Variants in SHISA9 observed in about 807,000 individuals in gnomAD.
The protein encoded by SHISA9 is protein shisa-9.
Under a neutral mutation model 38.0 loss-of-function variants are expected in SHISA9, and 13 were observed. The observed-to-expected ratio is 0.34, with a 90% CI of 0.22 to 0.54. The LOEUF is 0.54. Among genes scored for constraint, SHISA9 ranks in the 20% least tolerant of loss-of-function variants. SHISA9 has a pLI of 0.91. For missense variants in SHISA9, 538 were observed against 575.8 expected, an observed-to-expected ratio of 0.93 and a Z score of 0.67; for synonymous variants, 275 against 242.0, an observed-to-expected ratio of 1.14 and a Z score of -1.27.
intron 2 of SHISA9, among the ~76,000 whole-genome samples, chr16:13,177,829 C>G (rs1387552206): frequency 2.0e-5 from 3 of 152,126 alleles, no homozygotes; most frequent in South Asian, 2.1e-4. Context: ...GCCACCATAC[C>G]TGGCTAATTT....
At chr16:13,098,369 CTTCTT>C (rs2073847309) in intron 2 of SHISA9, among the ~76,000 whole-genome samples, 1 of 152,184 alleles carries the variant, frequency 6.6e-6, no homozygotes, top group South Asian at 2.1e-4. Flanking sequence ...AATGGCTCCT[CTTCTT>C]TTCTTTAATT....
At chr16:13,135,613 A>G (rs1123220) in intron 2 of SHISA9, among the ~76,000 whole-genome samples, 63,594 of 152,088 alleles carry the variant, frequency 0.42, 15,374 homozygotes, top group Non-Finnish European at 0.52. Flanking sequence ...CCTTCCTGTC[A>G]CAGGTGTTGA....
the SHISA9 span, among the ~76,000 whole-genome samples, chr16:13,341,441 G>C: frequency 6.6e-6 from 1 of 152,000 alleles, no homozygotes; most frequent in African/African-American, 2.4e-5. Flanking sequence ...AGGAGATGGA[G>C]ATTGAAAAAA....
At chr16:13,497,109 G>T in the SHISA9 span, among the ~76,000 whole-genome samples, 1 of 152,094 alleles carries the variant, frequency 6.6e-6, no homozygotes. Flanking sequence ...TGTCCTGCCA[G>T]ATATTACAAT....
chr16:12,919,495 T>C (rs1280560404), intron 2 of SHISA9, among the ~76,000 whole-genome samples: 1 of 152,230 alleles, frequency 6.6e-6, no homozygotes, highest in African/African-American at 2.4e-5. Context: ...TTTAAGAGAA[T>C]ACTAATCTCC....
At chr16:12,987,276 C>A (rs532108173) in intron 2 of SHISA9, among the ~76,000 whole-genome samples, 1 of 152,180 alleles carries the variant, frequency 6.6e-6, no homozygotes, top group Non-Finnish European at 1.5e-5. Context: ...GGAGTAACTT[C>A]AAAAAAGCAA....
At chr16:13,333,944 C>G in the SHISA9 span, among the ~76,000 whole-genome samples, 2,301 of 152,288 alleles carry the variant, frequency 0.015, 65 homozygotes, top group African/African-American at 0.052. Context: ...CAGACTGTCT[C>G]TGTTGTAACT....
At chr16:13,233,695 G>A (rs2051353896) in intron 4 of SHISA9, among the ~76,000 whole-genome samples, 1 of 152,204 alleles carries the variant, frequency 6.6e-6, no homozygotes, top group African/African-American at 2.4e-5. Context: ...GTGGGCTATA[G>A]TTTGCCAATC....
intron 2 of SHISA9, among the ~76,000 whole-genome samples, chr16:12,989,209 C>A (rs556705146): frequency 6.3e-4 from 91 of 144,396 alleles, no homozygotes; most frequent in African/African-American, 2.1e-3. Context: ...TCCTTTTAGG[C>A]TGTTTTTTTG....
At chr16:13,423,590 C>G in the SHISA9 span, among the ~76,000 whole-genome samples, 203 of 152,244 alleles carry the variant, frequency 1.3e-3, 2 homozygotes, top group African/African-American at 4.7e-3. Context: ...TTTTCTATTG[C>G]TGCATAACAA....
intron 2 of SHISA9, among the ~76,000 whole-genome samples, chr16:13,058,751 TTGTGTGTGTGTGTG>T (rs57415975): frequency 6.9e-6 from 1 of 144,944 alleles, no homozygotes; most frequent in Non-Finnish European, 1.5e-5. Context: ...TGTGGTGTAT[TTGTGTGTGTGTGTG>T]TGTGTGTGTG....
At chr16:13,041,026 C>T (rs1459240593) in intron 2 of SHISA9, among the ~76,000 whole-genome samples, 2 of 152,136 alleles carry the variant, frequency 1.3e-5, no homozygotes, top group African/African-American at 4.8e-5. Flanking sequence ...TTCATCCATT[C>T]ATTCATTTAA....
At chr16:12,940,701 G>A (rs538239386) in intron 2 of SHISA9, among the ~76,000 whole-genome samples, 161 of 152,318 alleles carry the variant, frequency 1.1e-3, no homozygotes, top group African/African-American at 3.7e-3. Flanking sequence ...CTCAGTGCTA[G>A]TGTCTTTGCG....
intron 2 of SHISA9, among the ~76,000 whole-genome samples, chr16:13,096,683 T>A (rs1240880877): frequency 6.6e-6 from 1 of 152,090 alleles, no homozygotes; most frequent in Non-Finnish European, 1.5e-5. Context: ...CAAGGCAGAG[T>A]CTATCTTGGA....
At chr16:13,365,541 C>T in the SHISA9 span, among the ~76,000 whole-genome samples, 4 of 149,076 alleles carry the variant, frequency 2.7e-5, no homozygotes, top group Admixed American at 6.8e-5. Flanking sequence ...ACTGCAACCT[C>T]CGCCTCCCGG....
At chr16:13,081,326 G>A (rs372516936) in intron 2 of SHISA9, among the ~76,000 whole-genome samples, 3 of 152,148 alleles carry the variant, frequency 2.0e-5, no homozygotes, top group East Asian at 1.9e-4. Context: ...CATTTAGCAC[G>A]GGAAGATGAT....
intron 2 of SHISA9, among the ~76,000 whole-genome samples, chr16:12,932,384 C>T (rs967403219): frequency 6.6e-6 from 1 of 152,146 alleles, no homozygotes; most frequent in Non-Finnish European, 1.5e-5. Flanking sequence ...CTCTGTCACC[C>T]AGGCTGGAGT....
intron 2 of SHISA9, among the ~76,000 whole-genome samples, chr16:13,135,626 C>G (rs1307014821): frequency 6.6e-6 from 1 of 152,186 alleles, no homozygotes; most frequent in Non-Finnish European, 1.5e-5. Context: ...GGTGTTGATT[C>G]CTTGCTTAAT....
the SHISA9 span, among the ~76,000 whole-genome samples, chr16:13,418,949 C>T: frequency 6.6e-6 from 1 of 152,180 alleles, no homozygotes; most frequent in Non-Finnish European, 1.5e-5. Context: ...GTGAAACAAC[C>T]TTGGGGCATT....
Sources: gnomAD v4.1 joint callset for allele counts (sites outside exome capture counted in the v4.1 genomes callset) on GRCh38, gnomAD v4.1.1 for gene constraint, MANE v1.5 for transcripts, NCBI Gene and HGNC (gene_info 2026-07-23, HGNC 2026-07-21) for gene names.